ABLIM2: variants seen among roughly 807,000 people sequenced by gnomAD.
The protein encoded by ABLIM2 is actin binding LIM protein family member 2.
Under a neutral mutation model 97.7 loss-of-function variants are expected in ABLIM2, and 53 were observed. The observed-to-expected ratio is 0.54, with a 90% CI of 0.44 to 0.68. The LOEUF (loss-of-function observed/expected upper bound fraction) is 0.68. Ranked by LOEUF, ABLIM2 falls within the 30% of genes least tolerant of loss-of-function variation. The pLI is 0.00. For synonymous variants in ABLIM2, 361 were observed against 345.8 expected, an observed-to-expected ratio of 1.04 and a Z score of -0.49; for missense variants, 835 against 867.2, an observed-to-expected ratio of 0.96 and a Z score of 0.47.
At position 8,005,679 on chromosome 4, in the gene ABLIM2, C is replaced by A. The variant is rs982934168; in HGVS notation, c.1618+2380G>T. ...CAGCCGGCAGTCTGGGTCCTCGCTG[C>A]CATTTCCATGCAAATCGGGAAACAA... On this transcript the variant is annotated intron_variant, in intron 16 of 20. Coordinates refer to ENST00000447017, the MANE Select transcript of ABLIM2 (RefSeq NM_001130083.2). This position sits in a 1 kb window ranked among gnomAD's most constrained non-coding sequence, Gnocchi z 4.9. Among the ~76,000 whole-genome samples, 1 of 152,216 alleles carries A rather than the reference C, an allele frequency of 6.6e-6. No homozygotes were observed. The highest frequency in any genetic ancestry group is 2.4e-5 in the African/African-American group (1 of 41,456).
At position 8,032,844 on chromosome 4, in the gene ABLIM2, C is replaced by T. The variant is rs1781828355; in HGVS notation, c.1048-3068G>A. Reference sequence around the variant, plus strand: ...CCCCGAGAGACACAAGTCAGGGTTCCAGAACCTTCTCTTTGGAGAAACATG... The same window carrying T: ...CCCCGAGAGACACAAGTCAGGGTTCTAGAACCTTCTCTTTGGAGAAACATG... On this transcript the variant is annotated intron_variant, in intron 10 of 20. Transcript: ENST00000447017. This position sits in a 1 kb window ranked among gnomAD's most constrained non-coding sequence, Gnocchi z 4.3. Among the ~76,000 whole-genome samples the T allele has an allele frequency of 6.6e-6, 1 of 152,188 alleles. No homozygotes were observed. The highest frequency in any genetic ancestry group is 2.1e-4 in the South Asian group (1 of 4,818).
intron 6 of ABLIM2, among the ~76,000 whole-genome samples, chr4:8,064,253 C>T (rs953848854): frequency 2.0e-5 from 3 of 152,270 alleles, no homozygotes; most frequent in African/African-American, 4.8e-5. Context: ...TTGTTTTCAA[C>T]ATCCCCTTCA....
At chr4:7,972,810 C>T (rs1319284523) in intron 20 of ABLIM2, among the ~76,000 whole-genome samples, 1 of 152,164 alleles carries the variant, frequency 6.6e-6, no homozygotes, top group Non-Finnish European at 1.5e-5. Flanking sequence ...GATTCTGGTG[C>T]AAACCCATCT....
intron 1 of ABLIM2, among the ~76,000 whole-genome samples, chr4:8,153,219 G>A (rs971090756): frequency 2.6e-5 from 4 of 152,172 alleles, no homozygotes; most frequent in African/African-American, 9.7e-5. Context: ...CCCAGGGTGC[G>A]GGCCAGGCAG....
At chr4:7,974,269 A>G (rs920437344) in intron 20 of ABLIM2, among the ~76,000 whole-genome samples, 7 of 151,402 alleles carry the variant, frequency 4.6e-5, no homozygotes, top group Non-Finnish European at 1.0e-4. Flanking sequence ...CCACCCATGC[A>G]TTCATCCACC....
rs1443547245 is a variant in ABLIM2, at chr4:8,130,702, G to A, written c.11-24065C>T. On this transcript the variant is annotated intron_variant, in intron 1 of 20. Transcript: ENST00000447017. The surrounding 1 kb of genome is among the most constrained non-coding windows in gnomAD (Gnocchi z 4.2). ...GAGGAGGGGGTATCAAAGTCCAGCT[G>A]TGAGATGGAGGAGGAATTAGCCAGG... Among the ~76,000 whole-genome samples the A allele has an allele frequency of 2.0e-5, 3 of 152,156 alleles. No individual in the cohort carries two copies. The highest frequency in any genetic ancestry group is 1.3e-4 in the Admixed American group (2 of 15,278).
rs1786182940 is a variant in ABLIM2 at position 8,038,764 on chromosome 4, A to G, written c.901-2469T>C. 2.0e-5 allele frequency among the ~76,000 whole-genome samples: 3 copies of G among 152,228 alleles called. No individual in the cohort carries two copies. The South Asian group carries it at 6.2e-4, about 32-fold the overall frequency. ...TCAAAAGACCCGAGATCCAATCCCG[A>G]GCCAGCCATTTGTAATCATGAGATC... On this transcript the variant is annotated intron_variant, in intron 9 of 20. Coordinates refer to ENST00000447017, the MANE Select transcript of ABLIM2 (RefSeq NM_001130083.2).
In ABLIM2 at chr4:7,983,349, T is replaced by G. The variant is rs775974578; in HGVS notation, c.1744-5A>C. On this transcript the variant is annotated splice_polypyrimidine_tract_variant and splice_region_variant and intron_variant, in intron 19 of 20. Coordinates refer to ENST00000447017, the MANE Select transcript of ABLIM2 (RefSeq NM_001130083.2). ...GAGGGAGTCATACGGATAGATCTGT[T>G]GGGGGAGGAAACCACAGGGTCACCT... is the stretch of plus-strand genomic sequence containing the variant. The G allele has an allele frequency of 6.2e-7, 1 of 1,610,968 alleles. No individual in the cohort carries two copies. The highest frequency in any genetic ancestry group is 1.7e-5 in the Admixed American group (1 of 59,628).
rs1365612724 is a variant in ABLIM2 at position 7,998,213 on chromosome 4, T to C, written c.1619-5286A>G. On this transcript the variant is annotated intron_variant, in intron 16 of 20. Transcript: ENST00000447017. This position sits in a 1 kb window ranked among gnomAD's most constrained non-coding sequence, Gnocchi z 6.4. The stretch of plus-strand genomic sequence containing the variant: ...CTGCTGTCTTTTTTCATTCAAATCA[T>C]TGATCTTCGGTGTTCTTGGTGTGAC... 6.6e-6 allele frequency among the ~76,000 whole-genome samples: 1 copy of C among 152,114 alleles called. No homozygotes were observed. The highest frequency in any genetic ancestry group is 6.5e-5 in the Admixed American group (1 of 15,268).
intron 1 of ABLIM2, among the ~76,000 whole-genome samples, chr4:8,138,934 C>T (rs959822472): frequency 3.3e-5 from 5 of 152,226 alleles, no homozygotes; most frequent in Middle Eastern, 3.2e-3. Flanking sequence ...CAGTGGCTCA[C>T]GCCTGTAATC....
In ABLIM2 at chr4:8,148,628, G is replaced by A. The variant is rs79029982; in HGVS notation, c.10+10052C>T. On this transcript the variant is annotated intron_variant, in intron 1 of 20. Transcript: ENST00000447017. This position sits in a 1 kb window ranked among gnomAD's most constrained non-coding sequence, Gnocchi z 6.7. ...GCGGTGCTGGGTCCACACTGGGGAA[G>A]CGCGTAAGCCGTTCCCCCGTGGGCA... 1.9e-3 allele frequency among the ~76,000 whole-genome samples: 275 copies of A among 144,410 alleles called. 2 individuals carry two copies. Among genetic ancestry groups the A allele is most frequent in the Non-Finnish European group, 3.3e-3 (216 of 65,194 alleles). 94.7% of individuals were successfully genotyped at this position (144,410 alleles called of 152,430 possible). A position where few individuals can be genotyped will look rare whatever the true frequency, so the allele number is the denominator to read the frequency against.
chr4:8,153,994 A>G (rs554934278), intron 1 of ABLIM2, among the ~76,000 whole-genome samples: 9 of 126,822 alleles, frequency 7.1e-5, no homozygotes, highest in Admixed American at 6.9e-4. Flanking sequence ...ATACAGTCTC[A>G]CTCTGTCGCC....
At chr4:8,100,530 T>A (rs1208160490) in intron 2 of ABLIM2, among the ~76,000 whole-genome samples, 4 of 152,084 alleles carry the variant, frequency 2.6e-5, no homozygotes, top group Non-Finnish European at 4.4e-5. Context: ...GCGGATCACC[T>A]GAGGTCAGGA....
At chr4:8,041,490 G>A (rs1245685580) in intron 9 of ABLIM2, 2 of 152,160 alleles carry the variant, frequency 1.3e-5, no homozygotes, top group Non-Finnish European at 2.9e-5. Context: ...TGCCTTGAAA[G>A]TGTTGCATGG....
chr4:8,091,740 GTATTATATATTAA>G (rs1828651886), intron 3 of ABLIM2, among the ~76,000 whole-genome samples: 1 of 70,650 alleles, frequency 1.4e-5, no homozygotes, highest in African/African-American at 6.6e-5. Flanking sequence ...ATATTAATAT[GTATTATATATTAA>G]TATTATATAT....
intron 4 of ABLIM2, among the ~76,000 whole-genome samples, chr4:8,081,533 C>T (rs764218528): frequency 6.6e-5 from 10 of 152,304 alleles, no homozygotes; most frequent in East Asian, 3.9e-4. Context: ...CCTGGCAGAG[C>T]GGGTGGAGCA....
chr4:8,050,924 G>C (rs1165856869), intron 8 of ABLIM2, among the ~76,000 whole-genome samples: 4 of 152,252 alleles, frequency 2.6e-5, no homozygotes, highest in Non-Finnish European at 4.4e-5. Flanking sequence ...ACTTCAAACA[G>C]AGCCCAGGAA....
intron 2 of ABLIM2, among the ~76,000 whole-genome samples, chr4:8,104,771 C>A (rs1377776233): frequency 6.6e-6 from 1 of 152,212 alleles, no homozygotes; most frequent in Non-Finnish European, 1.5e-5. Flanking sequence ...CCAGCGGCAC[C>A]AGGGTCGGTT....
rs761312025 is a variant in ABLIM2 at position 8,150,288 on chromosome 4, A to G, written c.10+8392T>C. 2.0e-5 allele frequency among the ~76,000 whole-genome samples: 3 copies of G among 152,170 alleles called. No homozygotes were observed. The highest frequency in any genetic ancestry group is 4.8e-5 in the African/African-American group (2 of 41,446). On this transcript the variant is annotated intron_variant, in intron 1 of 20. Transcript: ENST00000447017. This position sits in a 1 kb window ranked among gnomAD's most constrained non-coding sequence, Gnocchi z 6.3. ...GAGACAGGCCAGGCTGTCTTATGGA[A>G]TGACGGCAGACAGATGAGGAGGCCA...
Sources: gnomAD v4.1 joint callset for allele counts (sites outside exome capture counted in the v4.1 genomes callset) on GRCh38, gnomAD v4.1.1 for gene constraint, Gnocchi (gnomAD v3.1) non-coding constraint, MANE v1.5 for transcripts, NCBI Gene and HGNC (gene_info 2026-07-23, HGNC 2026-07-21) for gene names.